LIMCH1: variants seen among roughly 807,000 people sequenced by gnomAD.
LIMCH1 encodes LIM and calponin homology domains-containing protein 1.
A neutral mutation model predicts 176.5 loss-of-function variants in LIMCH1; 113 were observed. The observed-to-expected ratio is 0.64, with a 90% confidence interval of 0.55 to 0.75. LIMCH1 has a LOEUF of 0.75. Ranked by LOEUF, LIMCH1 falls within the 30% of genes least tolerant of loss-of-function variation. The pLI, the probability that LIMCH1 is intolerant of heterozygous loss-of-function variation, is 0.00. For synonymous variants in LIMCH1, 619 were observed against 645.9 expected (o/e 0.96, Z 0.63); for missense variants, 1,674 against 1,814.9 (o/e 0.92, Z 1.41).
chr4:41,453,251 A>G (rs2064119930), intron 1 of LIMCH1, among the ~76,000 whole-genome samples: 1 of 152,188 alleles, frequency 6.6e-6, no homozygotes, highest in African/African-American at 2.4e-5. Flanking sequence ...ACACACATAT[A>G]CAGTTGGCCC....
chr4:41,360,945 G>A lies in LIMCH1; in HGVS notation c.96+9G>A, dbSNP rs747216619. ...CGCAGAAGTGGATTGAGGTAGGTGC[G>A]GGTGGCTGGCGGGCGGCCTTGCACT... On this transcript the variant is annotated intron_variant, in intron 1 of 26. Coordinates refer to the LIMCH1 transcript ENST00000313860. This position sits in a 1 kb window ranked among gnomAD's most constrained non-coding sequence, Gnocchi z 4.5. 6.8e-4 allele frequency: 1,058 copies of A among 1,562,892 alleles called. 2 individuals are homozygous for A. The highest frequency in any genetic ancestry group is 2.6e-3 in the South Asian group (219 of 84,606).
At chr4:41,622,438 A>T (rs1330909345) in intron 7 of LIMCH1, among the ~76,000 whole-genome samples, 1 of 152,190 alleles carries the variant, frequency 6.6e-6, no homozygotes, top group African/African-American at 2.4e-5. Flanking sequence ...TCTTTCATTT[A>T]TATCACGTGT....
At position 41,470,547 on chromosome 4, in the gene LIMCH1, C is replaced by G. The variant is rs137973731; in HGVS notation, c.97-23989C>G. Among the ~76,000 whole-genome samples, 447 of 152,288 alleles carry G rather than the reference C, an allele frequency of 2.9e-3. 1 individual carries two copies. Among genetic ancestry groups the G allele is most frequent in the African/African-American group, 0.01 (418 of 41,550 alleles). ...CATTCAGAGAGTTGACTATGCTATT[C>G]CTCCTTTATCCACTCCAGTGTACAC... On this transcript the variant is annotated intron_variant, in intron 1 of 26. Transcript: ENST00000313860.
intron 4 of LIMCH1, chr4:41,613,154 C>A (rs2091655779): frequency 7.1e-7 from 1 of 1,408,716 alleles, no homozygotes; most frequent in South Asian, 1.3e-5. Flanking sequence ...TGTTGTGAAT[C>A]CAAACTTTGT....
intron 30 of LIMCH1, 92 bp from the exon 31 acceptor site, chr4:41,692,190 G>T (rs1158620512): frequency 1.5e-5 from 12 of 778,878 alleles, no homozygotes; most frequent in Non-Finnish European, 2.7e-5. Context: ...TTGTAGAAGG[G>T]ATTATTGTGC....
intron 1 of LIMCH1, among the ~76,000 whole-genome samples, chr4:41,581,796 A>C: frequency 8.6e-6 from 1 of 116,006 alleles, no homozygotes; most frequent in African/African-American, 3.6e-5. Flanking sequence ...ACAGAGCAAG[A>C]CTCTGTCTCA....
Position 41,680,039 on chromosome 4 carries a change from G to C in LIMCH1, c.3553G>C (p.Glu1185Gln), listed in dbSNP as rs771091963. ...RYQKEQDKLK[E>Q]EWEKAQKEVE... Reference sequence around the variant, plus strand: ...CCAGAAGGAGCAGGACAAGCTGAAAGAAGAGTGGGAAAAGGCCCAAAAGGA... The same window carrying C: ...CCAGAAGGAGCAGGACAAGCTGAAACAAGAGTGGGAAAAGGCCCAAAAGGA... The change falls in exon 24 of 32, where the codon GAA becomes CAA. Residue 1185 changes from glutamate (E) to glutamine (Q), a missense_variant. Physicochemically the swap from Glu to Gln is conservative, Grantham distance 29. Around this residue, in one of 3 missense-constraint regions of LIMCH1, gnomAD observed 1,015 missense variants for 1,102.5 expected, o/e 0.92. Transcript: ENST00000503057. The C allele has an allele frequency of 1.2e-6, 2 of 1,610,706 alleles. No individual in the cohort carries two copies. Among genetic ancestry groups the C allele is most frequent in the Non-Finnish European group, 1.7e-6 (2 of 1,178,462 alleles).
chr4:41,479,655 T>C (rs1413469717), intron 1 of LIMCH1, among the ~76,000 whole-genome samples: 2 of 152,330 alleles, frequency 1.3e-5, no homozygotes, highest in African/African-American at 2.4e-5. Context: ...AAATATTCTT[T>C]TAAACTAGGA....
chr4:41,621,389 A>G (rs987666673), intron 7 of LIMCH1, among the ~76,000 whole-genome samples: 6 of 152,224 alleles, frequency 3.9e-5, no homozygotes, highest in Non-Finnish European at 7.3e-5. Flanking sequence ...AATTTTTCTT[A>G]TAAAATAACC....
intron 1 of LIMCH1, among the ~76,000 whole-genome samples, chr4:41,458,113 G>A (rs576012692): frequency 2.0e-5 from 3 of 152,190 alleles, no homozygotes; most frequent in Middle Eastern, 3.4e-3. Flanking sequence ...ATTATGCATC[G>A]TATGCTTGTA....
chr4:41,376,258 C>G (rs1280810530), intron 1 of LIMCH1, among the ~76,000 whole-genome samples: 2 of 152,044 alleles, frequency 1.3e-5, no homozygotes, highest in African/African-American at 4.8e-5. Flanking sequence ...AGTTACCCAC[C>G]CAGAATAGTT....
At chr4:41,465,634 G>A (rs528562702) in intron 1 of LIMCH1, among the ~76,000 whole-genome samples, 7 of 152,238 alleles carry the variant, frequency 4.6e-5, no homozygotes, top group East Asian at 1.9e-4. Context: ...GGATCAGCAG[G>A]TTTTCCTCCT....
At chr4:41,492,666 T>C (rs984742534) in intron 1 of LIMCH1, among the ~76,000 whole-genome samples, 1 of 152,246 alleles carries the variant, frequency 6.6e-6, no homozygotes, top group Non-Finnish European at 1.5e-5. Flanking sequence ...TATAGCGTTA[T>C]TGATTTTTCT....
chr4:41,629,148 A>G (rs1174619795), intron 8 of LIMCH1, among the ~76,000 whole-genome samples: 1 of 152,244 alleles, frequency 6.6e-6, no homozygotes, highest in East Asian at 1.9e-4. Context: ...AATTCATTAC[A>G]GTAACTTGAA....
chr4:41,684,496 A>G lies in LIMCH1; in HGVS notation c.3945A>G (p.Gly1315=). 1 of 1,613,670 alleles carries G rather than the reference A, an allele frequency of 6.2e-7. No homozygotes were observed. The highest frequency in any genetic ancestry group is 8.5e-7 in the Non-Finnish European group (1 of 1,179,752). ...CCGAGGCTGGGGCCCCACACTGTGG[A>G]ACAAACCCACAGCTTGCTCAGGGTA... ...LDTEAGAPHC[G]TNPQLAQDPS... is the part of the protein sequence containing the mutation. The change falls in exon 27 of 32, where the codon GGA becomes GGG. Residue 1315 remains glycine, a synonymous_variant. Transcript: ENST00000503057.
intron 18 of LIMCH1, among the ~76,000 whole-genome samples, chr4:41,652,951 T>C (rs962070111): frequency 2.6e-5 from 4 of 152,202 alleles, no homozygotes; most frequent in African/African-American, 9.6e-5. Context: ...ATTGCCTAGT[T>C]CAGAGTAATT....
chr4:41,502,037 C>T (rs980065695), intron 2 of LIMCH1, among the ~76,000 whole-genome samples: 2 of 151,692 alleles, frequency 1.3e-5, no homozygotes, highest in Non-Finnish European at 2.9e-5. Context: ...GCTATTCTTC[C>T]TGATGCTCTC....
intron 1 of LIMCH1, among the ~76,000 whole-genome samples, chr4:41,395,173 G>A (rs2057660949): frequency 6.6e-6 from 1 of 151,536 alleles, no homozygotes; most frequent in African/African-American, 2.4e-5. Flanking sequence ...TAATTTGATA[G>A]ACTATTTTAT....
At chr4:41,596,781 TG>T (rs916227101) in intron 1 of LIMCH1, among the ~76,000 whole-genome samples, 1 of 152,184 alleles carries the variant, frequency 6.6e-6, no homozygotes, top group African/African-American at 2.4e-5. Flanking sequence ...AAGGAGAAAC[TG>T]GTGAGGGTGT....
Sources: gnomAD v4.1 joint callset for allele counts (sites outside exome capture counted in the v4.1 genomes callset) on GRCh38, gnomAD v4.1.1 for gene constraint, gnomAD v4.1.1 regional missense constraint, Gnocchi (gnomAD v3.1) non-coding constraint, MANE v1.5 for transcripts, NCBI Gene and HGNC (gene_info 2026-07-23, HGNC 2026-07-21) for gene names.